KCNQ5: variants seen among roughly 807,000 people sequenced by gnomAD.
KCNQ5 encodes the protein potassium voltage-gated channel subfamily Q member 5.
A neutral mutation model predicts 98.2 loss-of-function variants in KCNQ5; 30 were observed. The observed-to-expected ratio is 0.31, with a 90% CI of 0.23 to 0.41. The LOEUF (loss-of-function observed/expected upper bound fraction) is 0.41, where lower values mean the gene tolerates loss of function less well. Among genes scored for constraint, KCNQ5 ranks in the 10% least tolerant of loss-of-function variants. The pLI is 1.00. For missense variants in KCNQ5, 835 were observed against 1,182.5 expected (o/e 0.71, Z 4.31); for synonymous variants, 458 against 449.4 (o/e 1.02, Z -0.24).
At chr6:73,089,753 T>A (rs940172599) in intron 5 of KCNQ5, among the ~76,000 whole-genome samples, 1 of 143,802 alleles carries the variant, frequency 7.0e-6, no homozygotes, top group Admixed American at 7.2e-5. Flanking sequence ...TTCCTCTTTA[T>A]GGCTGAGTAG....
At chr6:73,105,120 T>G (rs1288351714) in intron 5 of KCNQ5, 137 bp from the exon 6 acceptor site, 2 of 507,918 alleles carry the variant, frequency 3.9e-6, no homozygotes, top group Non-Finnish European at 3.5e-6. Context: ...TCATGGAAAA[T>G]TAAAGCACAG....
At chr6:72,726,263 T>A (rs561822468) in intron 1 of KCNQ5, among the ~76,000 whole-genome samples, 1 of 149,760 alleles carries the variant, frequency 6.7e-6, no homozygotes, top group African/African-American at 2.5e-5. Flanking sequence ...CAGGCTGGAG[T>A]GCAGTGGCGC....
At chr6:72,917,419 G>T (rs1187661052) in intron 1 of KCNQ5, among the ~76,000 whole-genome samples, 2 of 150,300 alleles carry the variant, frequency 1.3e-5, no homozygotes, top group East Asian at 3.9e-4. Context: ...GATTCTGGGG[G>T]ATTTAGGAGC....
intron 10 of KCNQ5, among the ~76,000 whole-genome samples, chr6:73,143,828 T>C (rs1462086183): frequency 1.3e-5 from 2 of 152,208 alleles, no homozygotes; most frequent in Non-Finnish European, 2.9e-5. Context: ...GGCACCTTCC[T>C]CATTCTTCAG....
At chr6:72,760,597 T>A (rs541988628) in intron 1 of KCNQ5, among the ~76,000 whole-genome samples, 1 of 152,038 alleles carries the variant, frequency 6.6e-6, no homozygotes, top group Non-Finnish European at 1.5e-5. Context: ...TCAAAACCTC[T>A]AAAAATAGCC....
Position 72,923,501 on chromosome 6 carries a change from C to G in KCNQ5, c.399-80407C>G, listed in dbSNP as rs7757495. Among the ~76,000 whole-genome samples the G allele has an allele frequency of 4.7e-3, 712 of 152,204 alleles. 9 individuals are homozygous for G. Among genetic ancestry groups the G allele is most frequent in the African/African-American group, 0.016 (670 of 41,506 alleles). ...TGATGATTAGTGATGCTAAGCCTTT[C>G]TTTATATACCTGCCAGTCATTTGTG... is the stretch of plus-strand genomic sequence containing the variant. On this transcript the variant is annotated intron_variant, in intron 1 of 13. Transcript: ENST00000370398.
intron 1 of KCNQ5, among the ~76,000 whole-genome samples, chr6:72,709,522 TA>T (rs1355218885): frequency 2.0e-5 from 3 of 152,230 alleles, no homozygotes; most frequent in African/African-American, 7.2e-5. Flanking sequence ...ACTGAGGGTA[TA>T]CCCCTGCTAA....
At chr6:72,956,206 T>G (rs1767040221) in intron 1 of KCNQ5, among the ~76,000 whole-genome samples, 1 of 152,222 alleles carries the variant, frequency 6.6e-6, no homozygotes, top group South Asian at 2.1e-4. Flanking sequence ...AGTGACAACA[T>G]CTTTATTTTA....
chr6:72,818,659 CTT>C (rs1775611607), intron 1 of KCNQ5, among the ~76,000 whole-genome samples: 1 of 151,018 alleles, frequency 6.6e-6, no homozygotes, highest in Non-Finnish European at 1.5e-5. Context: ...TTTATTAACC[CTT>C]GTGTTAACAA....
At chr6:72,913,277 G>C (rs960363154) in intron 1 of KCNQ5, among the ~76,000 whole-genome samples, 1 of 152,188 alleles carries the variant, frequency 6.6e-6, no homozygotes, top group East Asian at 1.9e-4. Context: ...GAACTCTCAA[G>C]TTAGCCCTTG....
At chr6:72,765,301 T>C (rs1166957948) in intron 1 of KCNQ5, among the ~76,000 whole-genome samples, 2 of 151,938 alleles carry the variant, frequency 1.3e-5, no homozygotes, top group African/African-American at 4.8e-5. Flanking sequence ...GTTTATATTC[T>C]GGTTGTGGGG....
rs559016968 is a variant in KCNQ5, at chr6:73,181,686, ATTG to A, written c.1578-8881_1578-8879del. Among the ~76,000 whole-genome samples the A allele has an allele frequency of 2.2e-4, 34 of 152,306 alleles. No individual in the cohort carries two copies. The South Asian group carries it at 5.8e-3, about 26-fold the overall frequency. On this transcript the variant is annotated intron_variant, in intron 11 of 13. Coordinates refer to ENST00000370398, the MANE Select transcript of KCNQ5 (RefSeq NM_019842.4). ...CATATCATATCAAAGTGTCTTTTTC[ATTG>A]TTGTTATTTTGTGTTAAAGTATGAA... is the stretch of plus-strand genomic sequence containing the variant.
At chr6:72,734,596 G>C (rs898451841) in intron 1 of KCNQ5, among the ~76,000 whole-genome samples, 8 of 152,000 alleles carry the variant, frequency 5.3e-5, no homozygotes, top group African/African-American at 1.9e-4. Flanking sequence ...TTTGTGCTGT[G>C]GTTTCAAATC....
chr6:73,197,860 A>C lies in KCNQ5; in HGVS notation c.*2446A>C, dbSNP rs999874838. 1 of 152,254 alleles carries C rather than the reference A, an allele frequency of 6.6e-6. No individual in the cohort carries two copies. Among genetic ancestry groups the C allele is most frequent in the African/African-American group, 2.4e-5 (1 of 41,452 alleles). 9.4% of individuals were successfully genotyped at this position (152,254 alleles called of 1,614,324 possible). On this transcript the variant is annotated 3_prime_UTR_variant, in exon 14 of 14. Transcript: ENST00000370398. ...TCAAACACAGTACAGCTCACCCAGC[A>C]TTGCTGACGACTGAAGATTCAGAAA...
chr6:73,095,841 A>G (rs528893473), intron 5 of KCNQ5, among the ~76,000 whole-genome samples: 1 of 152,190 alleles, frequency 6.6e-6, no homozygotes, highest in African/African-American at 2.4e-5. Context: ...CTTCAGGAGC[A>G]ATCTGCTTCC....
At chr6:73,156,255 A>G (rs918624890) in intron 10 of KCNQ5, among the ~76,000 whole-genome samples, 1 of 152,244 alleles carries the variant, frequency 6.6e-6, no homozygotes, top group Non-Finnish European at 1.5e-5. Context: ...TATCACCACC[A>G]TTAATAGTAG....
At chr6:72,648,783 T>C (rs1389829344) in intron 1 of KCNQ5, among the ~76,000 whole-genome samples, 2 of 136,876 alleles carry the variant, frequency 1.5e-5, no homozygotes, top group African/African-American at 6.5e-5. Flanking sequence ...CATTTTTTTT[T>C]TTTTTTTAAT....
chr6:72,851,165 A>G (rs1451628020), intron 1 of KCNQ5, among the ~76,000 whole-genome samples: 1 of 152,222 alleles, frequency 6.6e-6, no homozygotes, highest in Non-Finnish European at 1.5e-5. Flanking sequence ...CAAGTAGTTC[A>G]AACATTAGAA....
chr6:72,703,751 A>G (rs1389643558), intron 1 of KCNQ5, among the ~76,000 whole-genome samples: 1 of 152,146 alleles, frequency 6.6e-6, no homozygotes, highest in Non-Finnish European at 1.5e-5. Flanking sequence ...TATTTGTGAT[A>G]TGTGCTTCAA....
Sources: allele counts gnomAD v4.1 joint callset (sites outside exome capture counted in the v4.1 genomes callset), GRCh38; gene constraint gnomAD v4.1.1; transcripts MANE v1.5; gene names NCBI Gene and HGNC (gene_info 2026-07-23, HGNC 2026-07-21).